XKR6: variants seen among roughly 807,000 people sequenced by gnomAD.
XKR6 encodes the protein XK-related protein 6.
Under a neutral mutation model 56.7 loss-of-function variants are expected in XKR6, and 22 were observed. That is an observed-to-expected ratio of 0.39 (90% confidence interval 0.28 to 0.55). The LOEUF (loss-of-function observed/expected upper bound fraction) is 0.55. XKR6 is among the 20% of genes least tolerant of loss of function. The pLI is 0.66. For missense variants in XKR6, 852 were observed against 889.0 expected (o/e 0.96, Z 0.53); for synonymous variants, 524 against 387.8 (o/e 1.35, Z -4.13).
chr8:11,059,054 G>T (rs899973723), intron 1 of XKR6, among the ~76,000 whole-genome samples: 12 of 151,948 alleles, frequency 7.9e-5, no homozygotes, highest in African/African-American at 2.9e-4. Context: ...AGAAAGCGGG[G>T]CAGGACCAGG....
At chr8:11,152,998 A>G (rs1436036890) in intron 1 of XKR6, among the ~76,000 whole-genome samples, 2 of 152,236 alleles carry the variant, frequency 1.3e-5, no homozygotes, top group Non-Finnish European at 2.9e-5. Flanking sequence ...GACTATGATC[A>G]CAGAGTAATA....
In XKR6 at chr8:11,092,458, T is replaced by A. The variant is rs185187618; in HGVS notation, c.764+108118A>T. Among the ~76,000 whole-genome samples the A allele has an allele frequency of 1.4e-3, 220 of 152,322 alleles. 1 individual carries two copies. The highest frequency in any genetic ancestry group is 1.4e-3 in the Non-Finnish European group (95 of 68,026). On this transcript the variant is annotated intron_variant, in intron 1 of 2. Coordinates refer to ENST00000416569, the MANE Select transcript of XKR6 (RefSeq NM_173683.4). ...GGAACACTTTGACCTGAGACTCCCCTCTAGGTTTAGGGGGGTAGGTGAGGA... is the reference window on the plus strand; with the variant it reads ...GGAACACTTTGACCTGAGACTCCCCACTAGGTTTAGGGGGGTAGGTGAGGA...
chr8:11,071,807 G>A (rs1278150290), intron 1 of XKR6, among the ~76,000 whole-genome samples: 2 of 152,188 alleles, frequency 1.3e-5, no homozygotes, highest in Non-Finnish European at 2.9e-5. Flanking sequence ...AGGTGGCCCA[G>A]CACCCTCTCC....
chr8:11,099,606 T>C (rs1367954192), intron 1 of XKR6, among the ~76,000 whole-genome samples: 1 of 152,226 alleles, frequency 6.6e-6, no homozygotes, highest in African/African-American at 2.4e-5. Flanking sequence ...TCTCCAAGTT[T>C]CCTTGCAACT....
chr8:11,157,915 A>T (rs1295340753), intron 1 of XKR6, among the ~76,000 whole-genome samples: 1 of 152,224 alleles, frequency 6.6e-6, no homozygotes, highest in African/African-American at 2.4e-5. Flanking sequence ...CCAGTTATCC[A>T]ATCTCCATCA....
In XKR6 at chr8:11,200,040, G is replaced by C. The variant is rs1002114145; in HGVS notation, c.764+536C>G. Reference sequence around the variant, plus strand: ...TTGGAGTCATTCACAGGGGCTGGGAGTGCAGGAGGGGGAAGGGGCGTGGAA... The same window carrying C: ...TTGGAGTCATTCACAGGGGCTGGGACTGCAGGAGGGGGAAGGGGCGTGGAA... On this transcript the variant is annotated intron_variant, in intron 1 of 2. Transcript: ENST00000416569. This position sits in a 1 kb window ranked among gnomAD's most constrained non-coding sequence, Gnocchi z 6.4. 2.0e-5 allele frequency among the ~76,000 whole-genome samples: 3 copies of C among 152,188 alleles called. No homozygotes were observed. The highest frequency in any genetic ancestry group is 7.2e-5 in the African/African-American group (3 of 41,450).
At chr8:11,138,155 G>C (rs75983904) in intron 1 of XKR6, 3,754 of 159,246 alleles carry the variant, frequency 0.024, 61 homozygotes, top group Non-Finnish European at 0.039. Context: ...ATTCCAGAAA[G>C]ATATTATAAA....
At chr8:10,939,684 G>T (rs34497451) in intron 1 of XKR6, among the ~76,000 whole-genome samples, 4,570 of 152,296 alleles carry the variant, frequency 0.03, 250 homozygotes, top group African/African-American at 0.11. Context: ...CCCCTAAGTC[G>T]CTGGGTTCTT....
intron 1 of XKR6, among the ~76,000 whole-genome samples, chr8:10,958,037 C>G (rs1254964745): frequency 6.6e-6 from 1 of 152,200 alleles, no homozygotes; most frequent in Non-Finnish European, 1.5e-5. Flanking sequence ...AGTGGCTTGG[C>G]CTACTTTAGT....
Position 11,200,710 on chromosome 8 carries a change from G to A in XKR6, c.630C>T (p.Gly210=), listed in dbSNP as rs1451385209. 6.3e-7 allele frequency: 1 copy of A among 1,586,570 alleles called. No homozygotes were observed. Among genetic ancestry groups the A allele is most frequent in the Non-Finnish European group, 8.5e-7 (1 of 1,171,470 alleles). ...CACCGCGGGCCGCGCCGTGGACGTA[G>A]CCGGCCCCCATCATGGGGGGGCCCC... ...TSRGPPMMGA[G]YVHGAARGGP... The change falls in exon 1 of 3, where the codon GGC becomes GGT. Residue 210 remains glycine (G), a synonymous_variant. Transcript: ENST00000416569. The surrounding 1 kb of genome is among the most constrained non-coding windows in gnomAD (Gnocchi z 6.4).
intron 1 of XKR6, among the ~76,000 whole-genome samples, chr8:11,003,578 C>T (rs980436067): frequency 2.6e-5 from 4 of 152,182 alleles, no homozygotes; most frequent in African/African-American, 9.6e-5. Flanking sequence ...AATACATTGT[C>T]TTTAATCCTC....
At chr8:11,170,527 G>T (rs969446455) in intron 1 of XKR6, among the ~76,000 whole-genome samples, 4 of 152,194 alleles carry the variant, frequency 2.6e-5, no homozygotes, top group African/African-American at 7.2e-5. Flanking sequence ...CAGGTTAGCA[G>T]TTCCCAGGGG....
intron 1 of XKR6, among the ~76,000 whole-genome samples, chr8:10,968,583 A>G (rs961775593): frequency 2.0e-5 from 3 of 152,182 alleles, no homozygotes; most frequent in African/African-American, 7.2e-5. Context: ...CCAGGGGATG[A>G]CACCAGTCCT....
At chr8:11,010,804 A>T (rs1490842627) in intron 1 of XKR6, among the ~76,000 whole-genome samples, 6 of 150,514 alleles carry the variant, frequency 4.0e-5, no homozygotes, top group Non-Finnish European at 8.9e-5. Context: ...CATGACATTG[A>T]CACAAAGTTA....
intron 2 of XKR6, among the ~76,000 whole-genome samples, chr8:10,903,622 G>A (rs1800103848): frequency 6.6e-6 from 1 of 152,098 alleles, no homozygotes; most frequent in African/African-American, 2.4e-5. Context: ...CGTTAGGGTG[G>A]GCCCTAACCC....
intron 1 of XKR6, among the ~76,000 whole-genome samples, chr8:11,100,048 TC>T (rs961452811): frequency 6.6e-6 from 1 of 152,156 alleles, no homozygotes. Flanking sequence ...TCATTTTTTT[TC>T]TTTTCATTTT....
intron 1 of XKR6, among the ~76,000 whole-genome samples, chr8:11,160,164 G>C (rs1056245747): frequency 1.3e-5 from 2 of 151,910 alleles, no homozygotes; most frequent in Admixed American, 1.3e-4. Context: ...CTCAATTTCA[G>C]AAATAATCAC....
chr8:11,108,419 G>A (rs1262102922), intron 1 of XKR6: 3 of 436,028 alleles, frequency 6.9e-6, no homozygotes, highest in African/African-American at 2.0e-5. Flanking sequence ...TCACACTTAG[G>A]GAGAAAATCT....
chr8:10,911,265 G>GTA (rs1357795568), intron 2 of XKR6, among the ~76,000 whole-genome samples: 3 of 139,746 alleles, frequency 2.1e-5, no homozygotes, highest in South Asian at 2.4e-4. Context: ...GACAGAATAT[G>GTA]TATATATATA....
Sources: gnomAD v4.1 joint callset for allele counts (sites outside exome capture counted in the v4.1 genomes callset) on GRCh38, gnomAD v4.1.1 for gene constraint, Gnocchi (gnomAD v3.1) non-coding constraint, MANE v1.5 for transcripts, NCBI Gene and HGNC (gene_info 2026-07-23, HGNC 2026-07-21) for gene names.